The following PUS7 variants were observed in gnomAD, a reference collection of about 807,000 sequenced individuals.
PUS7 encodes the protein pseudouridylate synthase 7 homolog.
Under a neutral mutation model 79.8 loss-of-function variants are expected in PUS7, and 48 were observed. The ratio of observed to expected loss-of-function variants is 0.60; its 90% CI spans 0.48 to 0.76. The LOEUF (loss-of-function observed/expected upper bound fraction) is 0.76. PUS7 is among the 30% of genes least tolerant of loss of function. PUS7 has a pLI of 0.00. For missense variants in PUS7, 729 were observed against 797.6 expected, an observed-to-expected ratio of 0.91 and a Z score of 1.04; for synonymous variants, 286 against 272.2, an observed-to-expected ratio of 1.05 and a Z score of -0.50.
intron 6 of PUS7, among the ~76,000 whole-genome samples, chr7:105,493,305 G>A (rs562498884): frequency 4.6e-5 from 7 of 152,282 alleles, no homozygotes; most frequent in South Asian, 2.1e-4. Flanking sequence ...AAACTTAACC[G>A]TTCCATATGA....
chr7:105,481,803 T>C (rs545276128), intron 8 of PUS7, among the ~76,000 whole-genome samples: 1 of 151,884 alleles, frequency 6.6e-6, no homozygotes, highest in East Asian at 1.9e-4. Context: ...CGATCTCGGC[T>C]CACTGCAAGT....
At position 105,457,393 on chromosome 7, in the gene PUS7, T is replaced by C. The variant is rs1823231630; in HGVS notation, c.*397A>G. The stretch of plus-strand genomic sequence containing the variant: ...TATTTATCCATAGTCCAGATTTGTT[T>C]TGTTGCATTTGCTCTTAAAATGCAT... On this transcript the variant is annotated 3_prime_UTR_variant, in exon 16 of 16. Coordinates refer to ENST00000469408, the MANE Select transcript of PUS7 (RefSeq NM_019042.5). The C allele has an allele frequency of 6.5e-6, 1 of 153,836 alleles. No individual in the cohort carries two copies. The highest frequency in any genetic ancestry group is 2.4e-5 in the African/African-American group (1 of 41,516). The allele number at this position is 153,836 out of a possible 1,614,324, so 9.5% of individuals were successfully genotyped here.
At chr7:105,520,519 AAAATAAATAAATAAATAAAT>A (rs139684453) in intron 1 of PUS7, among the ~76,000 whole-genome samples, 21 of 140,550 alleles carry the variant, frequency 1.5e-4, no homozygotes, top group East Asian at 4.1e-4. Flanking sequence ...AGACTGTCTC[AAAATAAATAAATAAATAAAT>A]AAATAAATAA....
rs746696488 is a variant in PUS7, at chr7:105,482,349, C to T, written c.1012G>A (p.Gly338Arg). Residue 338 changes from glycine to arginine, a missense_variant, in exon 8 of 16, where the codon GGA (glycine) becomes AGA (arginine). Transcript: ENST00000469408. Reference protein sequence around the residue: ...FSYQKNPLKLGELQGNHFTVV... With the variant: ...FSYQKNPLKLRELQGNHFTVV... ...GTGAAGTGGTTTCCTTGAAGCTCTC[C>T]CAATTTCAGTGGGTTTTTTTGATAG... 6.2e-7 allele frequency: 1 copy of T among 1,613,544 alleles called. No individual in the cohort carries two copies. Among genetic ancestry groups the T allele is most frequent in the Non-Finnish European group, 8.5e-7 (1 of 1,179,610 alleles).
At position 105,462,654 on chromosome 7, in the gene PUS7, C is replaced by T. The variant is rs756280222; in HGVS notation, c.1724G>A (p.Arg575Gln). ...ATTCTGAGGACGAATAATGATCTTT[C>T]GGTAGGCCCCTGACAAGGAATAATC... Reference protein sequence around the residue: ...IRDYSLSGAYRKIIIRPQNVS... With the variant: ...IRDYSLSGAYQKIIIRPQNVS... Residue 575 changes from arginine (R) to glutamine (Q), a missense_variant, in exon 14 of 16, where the codon CGA becomes CAA. Coordinates refer to ENST00000469408, the MANE Select transcript of PUS7 (RefSeq NM_019042.5). 8.1e-6 allele frequency: 13 copies of T among 1,613,704 alleles called. No individual in the cohort carries two copies. The highest frequency in any genetic ancestry group is 2.2e-5 in the East Asian group (1 of 44,878).
chr7:105,514,848 G>C (rs1825833986), intron 1 of PUS7, among the ~76,000 whole-genome samples: 2 of 150,740 alleles, frequency 1.3e-5, no homozygotes, highest in Admixed American at 6.6e-5. Flanking sequence ...CTGGAGAGCA[G>C]TGGCGCAATC....
At chr7:105,501,536 T>C (rs1825249031) in intron 5 of PUS7, among the ~76,000 whole-genome samples, 1 of 152,178 alleles carries the variant, frequency 6.6e-6, no homozygotes, top group South Asian at 2.1e-4. Flanking sequence ...CAACAAAAGA[T>C]GGGCTGAGAT....
chr7:105,465,382 T>C lies in PUS7; in HGVS notation c.1558A>G (p.Asn520Asp). The C allele has an allele frequency of 6.2e-7, 1 of 1,613,412 alleles. No individual in the cohort carries two copies. The highest frequency in any genetic ancestry group is 8.5e-7 in the Non-Finnish European group (1 of 1,179,472). ...ACCACATCATGGATAGAGTAATTAT[T>C]AACATCATCTTCCTCAATATAGGTG... ...TATYIEEDDV[N>D]NYSIHDVVMP... The change falls in exon 13 of 16, where the codon AAT becomes GAT. Residue 520 changes from asparagine (N) to aspartate (D), a missense_variant. Asn to Asp is a conservative substitution (Grantham distance 23). Coordinates refer to ENST00000469408, the MANE Select transcript of PUS7 (RefSeq NM_019042.5).
intron 5 of PUS7, among the ~76,000 whole-genome samples, chr7:105,496,146 G>A (rs1224197936): frequency 2.1e-5 from 3 of 146,306 alleles, no homozygotes; most frequent in Non-Finnish European, 4.5e-5. Context: ...CAACAAGAGC[G>A]AGACTCCGTC....
intron 14 of PUS7, among the ~76,000 whole-genome samples, chr7:105,459,571 G>A (rs1823328910): frequency 2.6e-5 from 4 of 151,574 alleles, no homozygotes; most frequent in Non-Finnish European, 1.5e-5. Context: ...ACAAGTAGCT[G>A]GGACTATAGG....
chr7:105,481,312 C>T, intron 8 of PUS7, 135 bp from the exon 9 acceptor site: 3 of 558,870 alleles, frequency 5.4e-6, no homozygotes, highest in Non-Finnish European at 5.7e-6. Context: ...CTCCCAAGGG[C>T]TCTTTCTTTC....
Position 105,468,405 on chromosome 7 carries a change from T to C in PUS7, c.1457A>G (p.Asn486Ser), listed in dbSNP as rs1708111968. The change falls in exon 12 of 16, where the codon AAC (asparagine) becomes AGC (serine). Residue 486 changes from asparagine to serine, a missense_variant. Asn to Ser is a conservative substitution (Grantham distance 46, BLOSUM62 1). Transcript: ENST00000469408. The stretch of plus-strand genomic sequence containing the variant: ...GTCTTCTATCCTCTTGCTTACCATG[T>C]TATTCCACACATAGCTTTGGTAGCT... ...IHSYQSYVWNNMVSKRIEDYG... is the reference protein window; with the variant it reads ...IHSYQSYVWNSMVSKRIEDYG... 6.2e-7 allele frequency: 1 copy of C among 1,613,550 alleles called. No individual in the cohort carries two copies. Among genetic ancestry groups the C allele is most frequent in the Non-Finnish European group, 8.5e-7 (1 of 1,179,542 alleles).
chr7:105,491,347 A>G lies in PUS7; in HGVS notation c.920+193T>C, dbSNP rs114226652. Among the ~76,000 whole-genome samples, 423 of 152,384 alleles carry G rather than the reference A, an allele frequency of 2.8e-3. 3 individuals carry two copies. Among genetic ancestry groups the G allele is most frequent in the African/African-American group, 9.8e-3 (406 of 41,600 alleles). Reference sequence around the variant, plus strand: ...TTATTCTCTTGGCTTTACCAAAAAAATCTTTAAAAATTACACAAATAATAC... The same window carrying G: ...TTATTCTCTTGGCTTTACCAAAAAAGTCTTTAAAAATTACACAAATAATAC... On this transcript the variant is annotated intron_variant, in intron 7 of 15. Coordinates refer to ENST00000469408, the MANE Select transcript of PUS7 (RefSeq NM_019042.5).
intron 5 of PUS7, 37 bp downstream of exon 5, chr7:105,502,383 G>A (rs1327260751): frequency 4.3e-6 from 7 of 1,612,464 alleles, no homozygotes; most frequent in African/African-American, 1.3e-5. Context: ...GCCGCTCACG[G>A]CTGCCTGGCA....
rs1825553762 is a variant in PUS7 at position 105,508,305 on chromosome 7, C to T, written c.208G>A (p.Gly70Ser). The T allele has an allele frequency of 6.2e-7, 1 of 1,614,166 alleles. No homozygotes were observed. The highest frequency in any genetic ancestry group is 1.3e-5 in the African/African-American group (1 of 75,048). Residue 70 changes from glycine to serine, a missense_variant, in exon 2 of 16, where the codon GGT (glycine) becomes AGT (serine). Transcript: ENST00000469408. ...AACTGAGCCTCAGAATTCTTTCCAC[C>T]TTTCCCAGTACTGACAGTGTCAGGA... ...RPPDTVSTGK[G>S]GKNSEAQLED...
chr7:105,506,428 CTTTT>C (rs879854891), intron 2 of PUS7, among the ~76,000 whole-genome samples, 155 bp from the exon 3 acceptor site: 1 of 142,812 alleles, frequency 7.0e-6, no homozygotes, highest in African/African-American at 2.5e-5. Flanking sequence ...TTTTTTTTTT[CTTTT>C]TTTTTTTTGA....
intron 1 of PUS7, among the ~76,000 whole-genome samples, chr7:105,520,782 A>C (rs118134111): frequency 0.14 from 20,802 of 151,972 alleles, 1,818 homozygotes; most frequent in South Asian, 0.26. Context: ...TCAAGCCTGT[A>C]ATTCCAGCAC....
intron 9 of PUS7, among the ~76,000 whole-genome samples, chr7:105,479,258 G>A (rs1482191681): frequency 6.6e-6 from 1 of 152,098 alleles, no homozygotes; most frequent in East Asian, 1.9e-4. Context: ...CCTCAAAGAG[G>A]CAGAGGAAAT....
At chr7:105,458,084 T>C (rs963288178) in intron 15 of PUS7, among the ~76,000 whole-genome samples, 158 bp from the exon 16 acceptor site, 1 of 152,086 alleles carries the variant, frequency 6.6e-6, no homozygotes, top group Non-Finnish European at 1.5e-5. Flanking sequence ...AAGTAAGAGA[T>C]CTGTGAGTGT....
Sources: gnomAD v4.1 joint callset for allele counts (sites outside exome capture counted in the v4.1 genomes callset) on GRCh38, gnomAD v4.1.1 for gene constraint, MANE v1.5 for transcripts, NCBI Gene and HGNC (gene_info 2026-07-23, HGNC 2026-07-21) for gene names.